The following STXBP6 variants were observed in gnomAD, a reference collection of about 807,000 sequenced individuals.
STXBP6 encodes the protein syntaxin binding protein 6, also known as syntaxin-binding protein 6.
STXBP6 carries 21 observed loss-of-function variants against 26.9 expected under a neutral mutation model. The observed-to-expected ratio is 0.78, with a 90% CI of 0.55 to 1.12. The LOEUF is 1.12. Ranked by LOEUF, STXBP6 falls within the 50% of genes most tolerant of loss-of-function variation. The probability of loss-of-function intolerance (pLI) is 0.00; values close to 1 mark genes in which losing one functional copy is unlikely to be tolerated. For synonymous variants in STXBP6, 97 were observed against 92.6 expected (o/e 1.05, Z -0.27); for missense variants, 232 against 257.9 (o/e 0.90, Z 0.69).
At chr14:24,847,567 A>G (rs2069005858) in intron 4 of STXBP6, among the ~76,000 whole-genome samples, 1 of 152,184 alleles carries the variant, frequency 6.6e-6, no homozygotes, top group South Asian at 2.1e-4. Context: ...TAAATGTATG[A>G]GCATAATGCA....
intron 2 of STXBP6, among the ~76,000 whole-genome samples, chr14:24,908,646 A>G (rs1483235972): frequency 6.7e-6 from 1 of 148,292 alleles, no homozygotes; most frequent in African/African-American, 2.4e-5. Flanking sequence ...GCTCTTTCTC[A>G]GGTCTTCCTC....
intron 2 of STXBP6, among the ~76,000 whole-genome samples, chr14:24,895,007 T>C (rs1337370825): frequency 6.6e-6 from 1 of 152,218 alleles, no homozygotes; most frequent in Non-Finnish European, 1.5e-5. Flanking sequence ...CGTGTGTTAG[T>C]ACTAACCTCT....
At position 24,880,420 on chromosome 14, in the gene STXBP6, G is replaced by A. The variant is rs182474187; in HGVS notation, c.155-23263C>T. Among the ~76,000 whole-genome samples, 13 of 152,306 alleles carry A rather than the reference G, an allele frequency of 8.5e-5. 1 individual carries two copies. The East Asian group carries it at 1.9e-3, about 23-fold the overall frequency. On this transcript the variant is annotated intron_variant, in intron 2 of 5. Transcript: ENST00000323944. ...ATGTCCACATGTTTACTGTGCCACA[G>A]GTACAACAGAGGCTTGTCTCATCAG...
At chr14:24,914,846 C>T (rs1248557955) in intron 2 of STXBP6, among the ~76,000 whole-genome samples, 1 of 152,118 alleles carries the variant, frequency 6.6e-6, no homozygotes, top group Non-Finnish European at 1.5e-5. Flanking sequence ...CATACATTTC[C>T]AAAGGATGTA....
intron 4 of STXBP6, among the ~76,000 whole-genome samples, chr14:24,836,079 C>A (rs879769872): frequency 1.1e-4 from 16 of 152,174 alleles, no homozygotes; most frequent in Non-Finnish European, 1.8e-4. Flanking sequence ...CAGCCAGTGG[C>A]AACACTAGTT....
At position 24,951,298 on chromosome 14, in the gene STXBP6, C is replaced by A. The variant is rs1462765082; in HGVS notation, c.154+23367G>T. On this transcript the variant is annotated intron_variant, in intron 2 of 5. Coordinates refer to ENST00000323944, the MANE Select transcript of STXBP6 (RefSeq NM_001394410.1). ...TCAAATGGTATTTCTAGTTCTAGAT[C>A]CTTAAGGAATTGCCACACTGTCTTC... 3.9e-5 allele frequency among the ~76,000 whole-genome samples: 6 copies of A among 152,114 alleles called. No homozygotes were observed. In the South Asian group the frequency reaches 1.2e-3, roughly 32 times the overall value.
intron 2 of STXBP6, among the ~76,000 whole-genome samples, chr14:24,868,075 T>C (rs2069788173): frequency 1.3e-5 from 2 of 152,080 alleles, no homozygotes; most frequent in African/African-American, 2.4e-5. Flanking sequence ...CACATGCTTA[T>C]AAAGTTCCAG....
chr14:24,957,182 C>T (rs1275243587), intron 2 of STXBP6, among the ~76,000 whole-genome samples: 1 of 152,112 alleles, frequency 6.6e-6, no homozygotes, highest in Non-Finnish European at 1.5e-5. Flanking sequence ...GTGGCCATGG[C>T]CAGAAAAGGA....
intron 1 of STXBP6, among the ~76,000 whole-genome samples, chr14:25,000,789 CAG>C: frequency 1.3e-5 from 2 of 151,250 alleles, no homozygotes; most frequent in Middle Eastern, 6.8e-3. Flanking sequence ...AATGCATGAT[CAG>C]AGAGGCCAAG....
chr14:24,848,191 C>CA (rs1446087561), intron 4 of STXBP6, among the ~76,000 whole-genome samples: 1 of 152,144 alleles, frequency 6.6e-6, no homozygotes, highest in East Asian at 1.9e-4. Flanking sequence ...TGGCATTTTT[C>CA]AAAAATCCCA....
chr14:24,949,533 G>GT (rs2073096432), intron 2 of STXBP6, among the ~76,000 whole-genome samples: 1 of 152,168 alleles, frequency 6.6e-6, no homozygotes, highest in African/African-American at 2.4e-5. Flanking sequence ...TTTCCTCACA[G>GT]TGAGAGAGAG....
Position 25,049,635 on chromosome 14 carries a change from A to G in STXBP6, c.-33+243T>C, listed in dbSNP as rs1207630016. 2 of 985,250 alleles carry G rather than the reference A, an allele frequency of 2.0e-6. No individual in the cohort carries two copies. Among genetic ancestry groups the G allele is most frequent in the African/African-American group, 3.5e-5 (2 of 57,228 alleles). 61.0% of individuals were successfully genotyped at this position (985,250 alleles called of 1,614,324 possible). A position where few individuals can be genotyped will look rare whatever the true frequency, so the allele number is the denominator to read the frequency against. On this transcript the variant is annotated intron_variant, in intron 1 of 5. Transcript: ENST00000323944. The surrounding 1 kb of genome is among the most constrained non-coding windows in gnomAD (Gnocchi z 5.6). ...CCCGCACAACGGGTCCCAGGGTTGGAGAGAACCAGGGACACGAGTCCCTCT... is the reference window on the plus strand; with the variant it reads ...CCCGCACAACGGGTCCCAGGGTTGGGGAGAACCAGGGACACGAGTCCCTCT...
chr14:25,049,912 G>A lies in STXBP6; in HGVS notation c.-67C>T. 1.0e-6 allele frequency: 1 copy of A among 978,020 alleles called. No individual in the cohort carries two copies. 60.6% of individuals were successfully genotyped at this position (978,020 alleles called of 1,614,324 possible). On this transcript the variant is annotated 5_prime_UTR_variant, in exon 1 of 6. Transcript: ENST00000323944. This position sits in a 1 kb window ranked among gnomAD's most constrained non-coding sequence, Gnocchi z 5.6. ...TGGCTCGCGCCCCTGCCGTGCCAGTGCGCGGCACGCGTCCCAGAGCACGAG... is the reference window on the plus strand; with the variant it reads ...TGGCTCGCGCCCCTGCCGTGCCAGTACGCGGCACGCGTCCCAGAGCACGAG...
intron 2 of STXBP6, among the ~76,000 whole-genome samples, chr14:24,901,346 T>C: frequency 6.6e-6 from 1 of 151,242 alleles, no homozygotes; most frequent in East Asian, 1.9e-4. Flanking sequence ...CTAGCATGGC[T>C]CCCCCCCAAA....
At chr14:25,046,866 C>T (rs1286232963) in intron 1 of STXBP6, among the ~76,000 whole-genome samples, 4 of 152,210 alleles carry the variant, frequency 2.6e-5, no homozygotes, top group Admixed American at 6.5e-5. Context: ...TACTGATCAG[C>T]TGCCCCTGAA....
At chr14:24,819,422 C>G in intron 4 of STXBP6, 1 of 600,098 alleles carries the variant, frequency 1.7e-6, no homozygotes, top group East Asian at 2.8e-5. Context: ...AAATGCTTCT[C>G]TATAAACTCA....
intron 1 of STXBP6, among the ~76,000 whole-genome samples, chr14:25,024,290 C>A (rs1163243464): frequency 2.0e-5 from 3 of 150,178 alleles, no homozygotes; most frequent in Non-Finnish European, 3.0e-5. Flanking sequence ...GCCTGGGTGA[C>A]AGAGTGAGAC....
intron 2 of STXBP6, among the ~76,000 whole-genome samples, chr14:24,939,832 G>A (rs955589505): frequency 1.3e-5 from 2 of 152,022 alleles, no homozygotes; most frequent in Admixed American, 6.6e-5. Context: ...TGTGTGTTTT[G>A]TAGACTTCAT....
chr14:24,976,916 G>T (rs1308523184), intron 1 of STXBP6, among the ~76,000 whole-genome samples: 6 of 130,264 alleles, frequency 4.6e-5, no homozygotes, highest in Non-Finnish European at 9.3e-5. Context: ...AGGCTGGAGT[G>T]CAGTGGTACA....
Sources: gnomAD v4.1 joint callset for allele counts (sites outside exome capture counted in the v4.1 genomes callset) on GRCh38, gnomAD v4.1.1 for gene constraint, Gnocchi (gnomAD v3.1) non-coding constraint, MANE v1.5 for transcripts, NCBI Gene and HGNC (gene_info 2026-07-23, HGNC 2026-07-21) for gene names.